TMEM135: variants seen among roughly 807,000 people sequenced by gnomAD.
TMEM135 encodes peroxisomal membrane protein 52.
TMEM135 carries 30 observed loss-of-function variants against 60.3 expected under a neutral mutation model. The observed-to-expected ratio is 0.50, with a 90% CI of 0.37 to 0.68. The LOEUF is 0.68. Ranked by LOEUF, TMEM135 falls within the 30% of genes least tolerant of loss-of-function variation. The pLI is 0.00. For synonymous variants in TMEM135, 190 were observed against 186.7 expected (o/e 1.02, Z -0.14); for missense variants, 468 against 548.8 (o/e 0.85, Z 1.47).
At chr11:87,166,371 T>G (rs1313519992) in intron 5 of TMEM135, among the ~76,000 whole-genome samples, 1 of 151,806 alleles carries the variant, frequency 6.6e-6, no homozygotes, top group Non-Finnish European at 1.5e-5. Flanking sequence ...AGCCATGAAG[T>G]CTTTGCCCAT....
At chr11:87,316,638 G>A (rs1204691720) in intron 12 of TMEM135, among the ~76,000 whole-genome samples, 1 of 152,004 alleles carries the variant, frequency 6.6e-6, no homozygotes, top group Non-Finnish European at 1.5e-5. Flanking sequence ...AGTAGAATTG[G>A]CAAGACTTGC....
chr11:87,064,969 A>C (rs1856620899), intron 1 of TMEM135, among the ~76,000 whole-genome samples: 2 of 150,154 alleles, frequency 1.3e-5, no homozygotes, highest in African/African-American at 2.4e-5. Context: ...TTTTCCCCCC[A>C]CTCAGTATAA....
chr11:87,233,968 C>A (rs1940941373), intron 5 of TMEM135, among the ~76,000 whole-genome samples: 1 of 152,178 alleles, frequency 6.6e-6, no homozygotes, highest in South Asian at 2.1e-4. Context: ...GTGAAAGTCA[C>A]AACGATAAAC....
chr11:87,140,172 A>G (rs1219692189), intron 4 of TMEM135, among the ~76,000 whole-genome samples: 2 of 151,978 alleles, frequency 1.3e-5, no homozygotes, highest in African/African-American at 4.8e-5. Flanking sequence ...GGTTCAAGCA[A>G]TTCTCCCGCC....
intron 10 of TMEM135, among the ~76,000 whole-genome samples, chr11:87,310,016 TA>T (rs1204566687): frequency 3.9e-5 from 6 of 152,274 alleles, no homozygotes; most frequent in East Asian, 3.9e-4. Context: ...CTGGCTTATT[TA>T]TTTTTTTATC....
intron 1 of TMEM135, among the ~76,000 whole-genome samples, chr11:87,041,114 C>G (rs1293996106): frequency 6.6e-6 from 1 of 152,142 alleles, no homozygotes; most frequent in African/African-American, 2.4e-5. Context: ...TGAGCGATAA[C>G]AACTTACATT....
At position 87,254,271 on chromosome 11, in the gene TMEM135, G is replaced by T. The variant is rs368482527; in HGVS notation, c.509+17587G>T. On this transcript the variant is annotated intron_variant, in intron 6 of 14. Transcript: ENST00000305494. The stretch of plus-strand genomic sequence containing the variant: ...TGATACTCAGTTAAAAAAATTTAAG[G>T]ATTAGAAGTAAAATTTTTAGCCTTT... 6.6e-4 allele frequency among the ~76,000 whole-genome samples: 101 copies of T among 152,178 alleles called. 1 individual carries two copies. The South Asian group carries it at 0.021, about 31-fold the overall frequency.
intron 5 of TMEM135, among the ~76,000 whole-genome samples, chr11:87,222,510 AAAT>A (rs1296545964): frequency 2.0e-5 from 3 of 149,962 alleles, no homozygotes; most frequent in African/African-American, 2.5e-5. Context: ...AAAAAAAAAA[AAAT>A]AATTACTGGG....
chr11:87,222,340 C>CA (rs200587125), intron 5 of TMEM135, among the ~76,000 whole-genome samples: 9,333 of 139,634 alleles, frequency 0.067, 366 homozygotes, highest in South Asian at 0.12. Context: ...ACTAAAAATG[C>CA]AAAAAAAATT....
chr11:87,081,330 G>GTAATTTT (rs1687381311), intron 3 of TMEM135, among the ~76,000 whole-genome samples: 1 of 150,702 alleles, frequency 6.6e-6, no homozygotes, highest in Non-Finnish European at 1.5e-5. Flanking sequence ...GAATTCCACT[G>GTAATTTT]TAATTTTTTT....
chr11:87,256,504 A>G (rs1941531338), intron 6 of TMEM135, among the ~76,000 whole-genome samples: 1 of 152,130 alleles, frequency 6.6e-6, no homozygotes, highest in South Asian at 2.1e-4. Context: ...ATATTTTTTA[A>G]TTTGGGAATT....
chr11:87,253,626 A>C (rs1941464040), intron 6 of TMEM135, among the ~76,000 whole-genome samples: 1 of 139,660 alleles, frequency 7.2e-6, no homozygotes, highest in South Asian at 2.3e-4. Context: ...AACTTAAAGG[A>C]TGAGCCATAT....
intron 9 of TMEM135, 104 bp from the exon 10 acceptor site, chr11:87,309,401 A>G: frequency 1.7e-6 from 2 of 1,199,374 alleles, no homozygotes; most frequent in South Asian, 2.5e-5. Flanking sequence ...AACTTAGATT[A>G]AATTTGTTTT....
chr11:87,207,028 G>C (rs1940250519), intron 5 of TMEM135, among the ~76,000 whole-genome samples: 1 of 152,102 alleles, frequency 6.6e-6, no homozygotes, highest in South Asian at 2.1e-4. Context: ...GATTAGGCAG[G>C]ATAGCTAAGC....
chr11:87,257,839 TAC>T (rs145841736), intron 6 of TMEM135, among the ~76,000 whole-genome samples: 3,391 of 152,216 alleles, frequency 0.022, 89 homozygotes, highest in African/African-American at 0.06. Flanking sequence ...CACTGACTGA[TAC>T]AGTTTAGATA....
At chr11:87,283,344 A>G (rs1047803543) in intron 6 of TMEM135, among the ~76,000 whole-genome samples, 1 of 151,910 alleles carries the variant, frequency 6.6e-6, no homozygotes, top group African/African-American at 2.4e-5. Context: ...AAAAAAAAAA[A>G]AAGAAAAGAA....
chr11:87,199,871 AG>A (rs1190093949), intron 5 of TMEM135, among the ~76,000 whole-genome samples: 1 of 152,222 alleles, frequency 6.6e-6, no homozygotes, highest in Non-Finnish European at 1.5e-5. Context: ...CAGAGGTGGC[AG>A]TGAATCGAGA....
chr11:87,145,642 A>G (rs936225732), intron 4 of TMEM135, among the ~76,000 whole-genome samples: 1 of 151,658 alleles, frequency 6.6e-6, no homozygotes, highest in African/African-American at 2.4e-5. Flanking sequence ...GAGATGATAC[A>G]TCATTGTGGT....
rs1339903471 is a variant in TMEM135, at chr11:87,327,384, G to A, written c.*6051G>A. 2.2e-6 allele frequency: 1 copy of A among 453,842 alleles called. No individual in the cohort carries two copies. Among genetic ancestry groups the A allele is most frequent in the African/African-American group, 2.0e-5 (1 of 49,952 alleles). 28.1% of individuals were successfully genotyped at this position (453,842 alleles called of 1,614,324 possible). A position where few individuals can be genotyped will look rare whatever the true frequency, so the allele number is the denominator to read the frequency against. On this transcript the variant is annotated 3_prime_UTR_variant, in exon 15 of 15. Transcript: ENST00000305494. ...TTAAAGATGCCAGGTCAGAAAAATAGAAAGAACCTGCTTCTGTGAGCCACT... is the reference window on the plus strand; with the variant it reads ...TTAAAGATGCCAGGTCAGAAAAATAAAAAGAACCTGCTTCTGTGAGCCACT...
Sources: allele counts gnomAD v4.1 joint callset (sites outside exome capture counted in the v4.1 genomes callset), GRCh38; gene constraint gnomAD v4.1.1; transcripts MANE v1.5; gene names NCBI Gene and HGNC (gene_info 2026-07-23, HGNC 2026-07-21).